The following GLG1 variants were observed in gnomAD, a reference collection of about 807,000 sequenced individuals.
The protein encoded by GLG1 is golgi glycoprotein 1.
A neutral mutation model predicts 160.5 loss-of-function variants in GLG1; 38 were observed. That is an observed-to-expected ratio of 0.24 (90% CI 0.18 to 0.31). The LOEUF (loss-of-function observed/expected upper bound fraction) is 0.31. Among genes scored for constraint, GLG1 ranks in the 10% least tolerant of loss-of-function variants. The pLI is 1.00. For missense variants in GLG1, 1,373 were observed against 1,505.2 expected, an observed-to-expected ratio of 0.91 and a Z score of 1.45; for synonymous variants, 644 against 543.4, an observed-to-expected ratio of 1.19 and a Z score of -2.57.
intron 1 of GLG1, among the ~76,000 whole-genome samples, chr16:74,585,538 G>A (rs1247048529): frequency 1.4e-5 from 2 of 141,638 alleles, no homozygotes; most frequent in Non-Finnish European, 2.9e-5. Context: ...AACCTCGTCT[G>A]TACTAAAACT....
Position 74,489,809 on chromosome 16 carries a change from G to A in GLG1, c.1449+1192C>T, listed in dbSNP as rs59199654. On this transcript the variant is annotated intron_variant, in intron 8 of 25. Coordinates refer to ENST00000422840, the MANE Select transcript of GLG1 (RefSeq NM_001145667.2). ...CAGACACACGTGCACACATGCACTG[G>A]TGTCTACTCTGGGTCAAGGTGAGTA... Among the ~76,000 whole-genome samples, 606 of 152,314 alleles carry A rather than the reference G, an allele frequency of 4.0e-3. 7 individuals are homozygous for A. Among genetic ancestry groups the A allele is most frequent in the African/African-American group, 0.014 (581 of 41,572 alleles).
At chr16:74,583,138 T>C (rs1246370133) in intron 1 of GLG1, among the ~76,000 whole-genome samples, 3 of 152,196 alleles carry the variant, frequency 2.0e-5, no homozygotes, top group African/African-American at 7.2e-5. Flanking sequence ...CATCGCAAGC[T>C]GTCCCCAGGG....
At chr16:74,466,426 T>A (rs2015002823) in intron 18 of GLG1, among the ~76,000 whole-genome samples, 1 of 152,260 alleles carries the variant, frequency 6.6e-6, no homozygotes, top group South Asian at 2.1e-4. Context: ...CCTTCAGATA[T>A]CATGAAAAGA....
chr16:74,495,259 C>T (rs1010709857), intron 5 of GLG1, among the ~76,000 whole-genome samples: 1 of 151,760 alleles, frequency 6.6e-6, no homozygotes. Context: ...GATTACAGGC[C>T]CCCGCCACCC....
intron 1 of GLG1, among the ~76,000 whole-genome samples, chr16:74,596,946 A>T (rs62051924): frequency 0.096 from 14,616 of 152,014 alleles, 1,101 homozygotes; most frequent in East Asian, 0.36. Context: ...GTGAGACCTC[A>T]TCTCTACAAA....
chr16:74,527,961 T>G (rs886474702), intron 2 of GLG1, among the ~76,000 whole-genome samples: 1 of 149,538 alleles, frequency 6.7e-6, no homozygotes, highest in Non-Finnish European at 1.5e-5. Context: ...CTCGGCTCAC[T>G]GCCAGCTCCA....
chr16:74,522,111 A>G (rs943141845), intron 2 of GLG1, among the ~76,000 whole-genome samples: 2 of 152,250 alleles, frequency 1.3e-5, no homozygotes, highest in African/African-American at 4.8e-5. Context: ...CATTTAGTTG[A>G]TATTTTGCTC....
chr16:74,593,813 C>T (rs8058034), intron 1 of GLG1, among the ~76,000 whole-genome samples: 111,248 of 152,136 alleles, frequency 0.73, 41,182 homozygotes, highest in African/African-American at 0.84. Context: ...GTAGAACTTA[C>T]ATTCCTATTC....
At chr16:74,456,559 C>T (rs1247688452) in intron 25 of GLG1, 90 bp downstream of exon 25, 5 of 799,408 alleles carry the variant, frequency 6.3e-6, no homozygotes, top group Non-Finnish European at 8.8e-6. Context: ...AGGAGAGTGG[C>T]ATGGCCTTTG....
At chr16:74,556,108 G>C (rs2143717445) in intron 1 of GLG1, among the ~76,000 whole-genome samples, 1 of 152,160 alleles carries the variant, frequency 6.6e-6, no homozygotes, top group South Asian at 2.1e-4. Flanking sequence ...CAAAGTGCTG[G>C]GATTATAGGC....
intron 2 of GLG1, 119 bp downstream of exon 2, chr16:74,532,002 T>G (rs1291616333): frequency 2.2e-6 from 1 of 457,650 alleles, no homozygotes; most frequent in Non-Finnish European, 4.0e-6. Flanking sequence ...TTTGTCATCC[T>G]TTTAAGATTA....
chr16:74,466,922 C>T (rs2143214504), intron 18 of GLG1, among the ~76,000 whole-genome samples: 1 of 152,232 alleles, frequency 6.6e-6, no homozygotes, highest in African/African-American at 2.4e-5. Context: ...ACACGAGTTC[C>T]AGAAGGAAGG....
intron 10 of GLG1, among the ~76,000 whole-genome samples, chr16:74,482,088 C>T (rs904688588): frequency 5.3e-5 from 8 of 152,020 alleles, no homozygotes; most frequent in African/African-American, 1.9e-4. Flanking sequence ...GCGCCCGGTT[C>T]AAGTGAATCT....
chr16:74,507,994 T>G (rs2016674813), intron 3 of GLG1, among the ~76,000 whole-genome samples: 1 of 151,984 alleles, frequency 6.6e-6, no homozygotes, highest in Non-Finnish European at 1.5e-5. Flanking sequence ...AAGGTAAATA[T>G]GAGGGGTCAC....
intron 3 of GLG1, among the ~76,000 whole-genome samples, chr16:74,508,407 A>C (rs1355834222): frequency 6.6e-6 from 1 of 152,142 alleles, no homozygotes; most frequent in Non-Finnish European, 1.5e-5. Context: ...AAGATAAATA[A>C]TTTTTAAAAT....
In GLG1 at chr16:74,452,789, AT is replaced by A. The variant is rs1433599980; in HGVS notation, c.*377del. ...CTGGAGGAGATGCGTTACTATATAC[AT>A]TTTTTTCTTTAAAAAAATTTTTTTT... On this transcript the variant is annotated 3_prime_UTR_variant, in exon 26 of 26. Transcript: ENST00000422840. The A allele has an allele frequency of 2.0e-6, 2 of 997,480 alleles. No individual in the cohort carries two copies. The highest frequency in any genetic ancestry group is 4.6e-5 in the South Asian group (1 of 21,802). 61.8% of individuals were successfully genotyped at this position (997,480 alleles called of 1,614,324 possible). A position where few individuals can be genotyped will look rare whatever the true frequency, so the allele number is the denominator to read the frequency against.
chr16:74,597,161 A>G (rs1958325661), intron 1 of GLG1, among the ~76,000 whole-genome samples: 2 of 151,854 alleles, frequency 1.3e-5, no homozygotes, highest in South Asian at 2.1e-4. Context: ...CACCAGGCAC[A>G]GTGGCTCACG....
intron 12 of GLG1, 65 bp downstream of exon 12, chr16:74,477,331 T>C: frequency 3.4e-6 from 4 of 1,163,202 alleles, no homozygotes; most frequent in South Asian, 1.2e-5. Context: ...GTTTGTACTC[T>C]GCATAAAATG....
chr16:74,551,275 A>C (rs1304413007), intron 1 of GLG1, among the ~76,000 whole-genome samples: 1 of 152,044 alleles, frequency 6.6e-6, no homozygotes, highest in African/African-American at 2.4e-5. Flanking sequence ...GCTTCATATA[A>C]AGCAAGTGCT....
Sources: gnomAD v4.1 joint callset for allele counts (sites outside exome capture counted in the v4.1 genomes callset) on GRCh38, gnomAD v4.1.1 for gene constraint, MANE v1.5 for transcripts, NCBI Gene and HGNC (gene_info 2026-07-23, HGNC 2026-07-21) for gene names.